Variants in TENM2 observed in about 807,000 individuals in gnomAD.
The protein encoded by TENM2 is teneurin-2.
Under a neutral mutation model 245.2 loss-of-function variants are expected in TENM2, and 52 were observed. The ratio of observed to expected loss-of-function variants is 0.21; its 90% CI spans 0.17 to 0.27. The LOEUF is 0.27. Among genes scored for constraint, TENM2 ranks in the 10% least tolerant of loss-of-function variants. The probability of loss-of-function intolerance (pLI) is 1.00; values close to 1 mark genes in which losing one functional copy is unlikely to be tolerated. For missense variants in TENM2, 3,046 were observed against 3,666.8 expected, an observed-to-expected ratio of 0.83 and a Z score of 4.37; for synonymous variants, 1,363 against 1,438.9, an observed-to-expected ratio of 0.95 and a Z score of 1.19.
intron 1 of TENM2, among the ~76,000 whole-genome samples, chr5:167,318,462 C>A (rs1756509357): frequency 6.6e-6 from 1 of 151,582 alleles, no homozygotes; most frequent in East Asian, 1.9e-4. Context: ...CATGTTTTCC[C>A]CCACGGTGTG....
At chr5:167,973,629 G>C (rs1781967099) in intron 4 of TENM2, among the ~76,000 whole-genome samples, 1 of 152,192 alleles carries the variant, frequency 6.6e-6, no homozygotes, top group Admixed American at 6.5e-5. Context: ...CTGGCTGGCA[G>C]ATACGGGGTC....
chr5:167,977,980 C>G (rs1257568253), intron 4 of TENM2, among the ~76,000 whole-genome samples: 1 of 152,080 alleles, frequency 6.6e-6, no homozygotes, highest in South Asian at 2.1e-4. Flanking sequence ...AGTTTTTGCT[C>G]TATTAGTTCC....
chr5:167,249,313 A>G, the TENM2 span, among the ~76,000 whole-genome samples: 2 of 152,200 alleles, frequency 1.3e-5, no homozygotes, highest in Non-Finnish European at 2.9e-5. Flanking sequence ...AAGGCTGCAT[A>G]TAAATAAGGA....
intron 9 of TENM2, among the ~76,000 whole-genome samples, chr5:168,099,138 G>A (rs781724616): frequency 7.9e-5 from 12 of 151,962 alleles, no homozygotes; most frequent in Non-Finnish European, 1.8e-4. Context: ...TCGAACTCCT[G>A]ACCTCAAGTC....
intron 3 of TENM2, among the ~76,000 whole-genome samples, chr5:167,897,896 T>G (rs1043906178): frequency 2.7e-5 from 4 of 147,374 alleles, no homozygotes; most frequent in Non-Finnish European, 3.0e-5. Context: ...AATTGTTTTT[T>G]TTTTTTTTTT....
At chr5:167,971,641 C>A (rs1270570826) in intron 4 of TENM2, among the ~76,000 whole-genome samples, 1 of 152,130 alleles carries the variant, frequency 6.6e-6, no homozygotes, top group Non-Finnish European at 1.5e-5. Context: ...GCGAAGGTTG[C>A]AGTGAGCCAA....
chr5:167,796,538 AAG>A (rs1765331939), intron 2 of TENM2, among the ~76,000 whole-genome samples: 1 of 152,020 alleles, frequency 6.6e-6, no homozygotes, highest in African/African-American at 2.4e-5. Flanking sequence ...TGATATCCTT[AAG>A]TCAATTCTCC....
intron 23 of TENM2, among the ~76,000 whole-genome samples, chr5:168,222,772 A>G (rs776424427): frequency 2.0e-5 from 3 of 152,048 alleles, no homozygotes; most frequent in African/African-American, 7.2e-5. Flanking sequence ...CTTAGCACCT[A>G]TTACTCACCA....
intron 13 of TENM2, among the ~76,000 whole-genome samples, chr5:168,189,292 C>G (rs1346131694): frequency 6.6e-6 from 1 of 152,218 alleles, no homozygotes; most frequent in Non-Finnish European, 1.5e-5. Flanking sequence ...ATCCAGAAGG[C>G]TTCCTGGAAG....
At chr5:167,378,819 T>C (rs1760922684) in intron 2 of TENM2, among the ~76,000 whole-genome samples, 1 of 151,608 alleles carries the variant, frequency 6.6e-6, no homozygotes, top group Non-Finnish European at 1.5e-5. Context: ...CTATGTTCTC[T>C]TGACTCCCTT....
chr5:167,076,530 T>G, the TENM2 span, among the ~76,000 whole-genome samples: 1 of 152,180 alleles, frequency 6.6e-6, no homozygotes, highest in Non-Finnish European at 1.5e-5. Flanking sequence ...CATCCTGCTG[T>G]GGCGTGATGT....
At chr5:167,298,135 C>T (rs886928070) in intron 1 of TENM2, among the ~76,000 whole-genome samples, 12 of 151,910 alleles carry the variant, frequency 7.9e-5, no homozygotes, top group East Asian at 1.9e-4. Context: ...AGATAATGGG[C>T]GACGTTTCTC....
chr5:168,049,463 G>A (rs896797153), intron 6 of TENM2, among the ~76,000 whole-genome samples: 1 of 152,286 alleles, frequency 6.6e-6, no homozygotes, highest in East Asian at 1.9e-4. Flanking sequence ...TGCTTTTCGA[G>A]TAGTGTCCTT....
At chr5:168,253,720 T>C (rs6876197) in intron 27 of TENM2, among the ~76,000 whole-genome samples, 89,271 of 151,930 alleles carry the variant, frequency 0.59, 26,998 homozygotes, top group South Asian at 0.65. Flanking sequence ...CCACCGCGCC[T>C]GGCTACGCAC....
At chr5:167,410,877 A>G (rs903663789) in intron 2 of TENM2, among the ~76,000 whole-genome samples, 2 of 152,080 alleles carry the variant, frequency 1.3e-5, no homozygotes, top group African/African-American at 2.4e-5. Flanking sequence ...AGAATGTCCT[A>G]TCAAAATAAG....
chr5:167,291,448 C>T (rs7730469), intron 1 of TENM2, among the ~76,000 whole-genome samples: 29,086 of 152,110 alleles, frequency 0.19, 3,851 homozygotes, highest in East Asian at 0.38. Flanking sequence ...TTCTTTGGAG[C>T]GATCTCTTTG....
intron 2 of TENM2, among the ~76,000 whole-genome samples, chr5:167,551,302 T>C (rs1338670487): frequency 6.6e-6 from 1 of 152,108 alleles, no homozygotes; most frequent in Non-Finnish European, 1.5e-5. Flanking sequence ...AAATACAAGA[T>C]TGCTGTTGTC....
At chr5:167,745,352 G>T (rs1761484330) in intron 2 of TENM2, among the ~76,000 whole-genome samples, 1 of 152,182 alleles carries the variant, frequency 6.6e-6, no homozygotes, top group Non-Finnish European at 1.5e-5. Context: ...GAGAATGTTG[G>T]CTCTGCCATC....
chr5:167,362,129 A>G (rs1227772663), intron 1 of TENM2, among the ~76,000 whole-genome samples: 8 of 152,192 alleles, frequency 5.3e-5, no homozygotes, highest in Non-Finnish European at 8.8e-5. Context: ...AACCTACGAC[A>G]TGTGTTTGGA....
Sources: gnomAD v4.1 joint callset for allele counts (sites outside exome capture counted in the v4.1 genomes callset) on GRCh38, gnomAD v4.1.1 for gene constraint, MANE v1.5 for transcripts, NCBI Gene and HGNC (gene_info 2026-07-23, HGNC 2026-07-21) for gene names.